Variants in IQCE observed in about 807,000 individuals in gnomAD.
IQCE encodes the protein IQ motif containing E, also known as IQ domain-containing protein E.
A neutral mutation model predicts 96.0 loss-of-function variants in IQCE; 115 were observed. The ratio of observed to expected loss-of-function variants is 1.20; its 90% CI spans 1.03 to 1.40. The LOEUF (loss-of-function observed/expected upper bound fraction) is 1.40. IQCE is among the 40% of genes most tolerant of loss of function. IQCE has a pLI of 0.00. For synonymous variants in IQCE, 412 were observed against 371.2 expected (o/e 1.11, Z -1.26); for missense variants, 1,041 against 909.1 (o/e 1.15, Z -1.87).
intron 16 of IQCE, among the ~76,000 whole-genome samples, chr7:2,597,351 G>T (rs1784120256): frequency 6.6e-6 from 1 of 152,276 alleles, no homozygotes; most frequent in African/African-American, 2.4e-5. Context: ...CCGAAGGCAG[G>T]CCCTTCACTG....
Position 2,612,081 on chromosome 7 carries a change from C to T in IQCE, c.*1919C>T, listed in dbSNP as rs1785124639. On this transcript the variant is annotated 3_prime_UTR_variant, in exon 22 of 22. Coordinates refer to ENST00000402050, the MANE Select transcript of IQCE (RefSeq NM_152558.5). ...CCTCCGTTCTCTTGTGGCAGCTGCT[C>T]CCACTTGTTAAACCAAGCTGTTTCT... 2 of 152,196 alleles carry T rather than the reference C, an allele frequency of 1.3e-5. No individual in the cohort carries two copies. Among genetic ancestry groups the T allele is most frequent in the South Asian group, 4.1e-4 (2 of 4,834 alleles). 9.4% of individuals were successfully genotyped at this position (152,196 alleles called of 1,614,324 possible).
rs533924951 is a variant in IQCE, at chr7:2,582,785, C to G, written c.701+135C>G. 10 of 677,980 alleles carry G rather than the reference C, an allele frequency of 1.5e-5. No homozygotes were observed. In the Admixed American group the frequency reaches 2.7e-4, roughly 18 times the overall value. The allele number at this position is 677,980 out of a possible 1,614,324, so 42.0% of individuals were successfully genotyped here. Reference sequence around the variant, plus strand: ...AAAGCCGAAGGTGAATGTTAGCTGCCTCTTTTTAATTTTTTTATTGTCTTT... The same window carrying G: ...AAAGCCGAAGGTGAATGTTAGCTGCGTCTTTTTAATTTTTTTATTGTCTTT... On this transcript the variant is annotated intron_variant, in intron 9 of 21. Coordinates refer to ENST00000402050, the MANE Select transcript of IQCE (RefSeq NM_152558.5).
intron 14 of IQCE, among the ~76,000 whole-genome samples, chr7:2,592,175 C>A (rs1024665806): frequency 6.6e-6 from 1 of 152,224 alleles, no homozygotes; most frequent in Admixed American, 6.5e-5. Context: ...CTGCTGTGAA[C>A]AGTAGAAGGC....
intron 8 of IQCE, 81 bp from the exon 9 acceptor site, chr7:2,582,499 G>A (rs62439479): frequency 0.16 from 175,377 of 1,127,662 alleles, 14,865 homozygotes; most frequent in African/African-American, 0.22. Context: ...GAGGTGTGCC[G>A]GTGCTCTGGC....
intron 11 of IQCE, chr7:2,584,525 G>C (rs957870841): frequency 1.9e-6 from 1 of 519,332 alleles, no homozygotes; most frequent in Admixed American, 3.2e-5. Flanking sequence ...GCCCGTGTTC[G>C]TTATAGATTC....
chr7:2,582,936 C>T (rs1782789348), intron 9 of IQCE, among the ~76,000 whole-genome samples: 1 of 152,118 alleles, frequency 6.6e-6, no homozygotes, highest in Non-Finnish European at 1.5e-5. Flanking sequence ...AGTCCTGCGC[C>T]GTCCTTGTGC....
At chr7:2,607,990 G>A (rs1784951756) in intron 21 of IQCE, among the ~76,000 whole-genome samples, 1 of 152,210 alleles carries the variant, frequency 6.6e-6, no homozygotes, top group Non-Finnish European at 1.5e-5. Context: ...TTGCTGTGCT[G>A]AGTCCTTAGG....
chr7:2,587,857 C>A lies in IQCE; in HGVS notation c.1024C>A (p.Arg342Ser). The stretch of plus-strand genomic sequence containing the variant: ...GTGGAGCAAGCCCCGGCTGCTGAGG[C>A]GCATTGTGGAGCTGGAGAAGGTGAG... The part of the protein sequence containing the change: ...VEWSKPRLLR[R>S]IVELEKKLSV... The change falls in exon 13 of 22, where the codon CGC (arginine) becomes AGC (serine). Residue 342 changes from arginine to serine, a missense_variant. Coordinates refer to ENST00000402050, the MANE Select transcript of IQCE (RefSeq NM_152558.5). The A allele has an allele frequency of 6.2e-7, 1 of 1,614,034 alleles. No individual in the cohort carries two copies. The highest frequency in any genetic ancestry group is 8.5e-7 in the Non-Finnish European group (1 of 1,179,948).
intron 3 of IQCE, among the ~76,000 whole-genome samples, chr7:2,569,515 C>T (rs1445960915): frequency 2.0e-5 from 3 of 152,170 alleles, no homozygotes; most frequent in African/African-American, 7.2e-5. Context: ...AGGAGGGCAG[C>T]ATTTGCCACC....
intron 1 of IQCE, among the ~76,000 whole-genome samples, chr7:2,565,804 A>T (rs1358253675): frequency 3.3e-5 from 5 of 152,242 alleles, no homozygotes; most frequent in Non-Finnish European, 4.4e-5. Flanking sequence ...AAAAAATGAT[A>T]TAAAAAATTT....
At chr7:2,579,531 T>C (rs1284977242) in intron 8 of IQCE, among the ~76,000 whole-genome samples, 3 of 152,230 alleles carry the variant, frequency 2.0e-5, no homozygotes, top group African/African-American at 7.2e-5. Flanking sequence ...TCCTCTGAAC[T>C]ATGTCACAGA....
intron 11 of IQCE, 117 bp downstream of exon 11, chr7:2,584,402 C>G: frequency 1.1e-6 from 1 of 883,832 alleles, no homozygotes; most frequent in South Asian, 1.3e-5. Context: ...CTTGGCAGTG[C>G]TGCCAACACT....
intron 8 of IQCE, among the ~76,000 whole-genome samples, chr7:2,581,125 G>A (rs1025250487): frequency 6.6e-6 from 1 of 152,116 alleles, no homozygotes; most frequent in Non-Finnish European, 1.5e-5. Context: ...TTACAGGCAT[G>A]AGCCACCGCG....
In IQCE at chr7:2,561,002, G is replaced by T. The variant is rs922556335; in HGVS notation, c.36+1785G>T. Among the ~76,000 whole-genome samples the T allele has an allele frequency of 2.1e-4, 31 of 149,208 alleles. 1 individual carries two copies. The highest frequency in any genetic ancestry group is 7.9e-4 in the East Asian group (4 of 5,082). Reference sequence around the variant, plus strand: ...AGACACAGTCTCGCTTTGCCACCCAGGCTGGAGTGCAATGATGCCATCTCA... The same window carrying T: ...AGACACAGTCTCGCTTTGCCACCCATGCTGGAGTGCAATGATGCCATCTCA... On this transcript the variant is annotated intron_variant, in intron 1 of 21. Coordinates refer to ENST00000402050, the MANE Select transcript of IQCE (RefSeq NM_152558.5).
intron 21 of IQCE, 128 bp downstream of exon 21, chr7:2,607,355 G>A (rs1387888327): frequency 1.4e-6 from 2 of 1,439,980 alleles, no homozygotes; most frequent in South Asian, 2.9e-5. Context: ...ATCTGGAGCT[G>A]CCTCTGAACT....
intron 11 of IQCE, among the ~76,000 whole-genome samples, chr7:2,585,353 C>A (rs1174556677): frequency 6.6e-6 from 1 of 152,240 alleles, no homozygotes; most frequent in African/African-American, 2.4e-5. Context: ...ACAGCATTTT[C>A]ATCAGCTAGT....
At chr7:2,594,230 A>G (rs953564300) in intron 15 of IQCE, among the ~76,000 whole-genome samples, 5 of 152,250 alleles carry the variant, frequency 3.3e-5, no homozygotes, top group African/African-American at 7.2e-5. Context: ...ACTGTCCTCT[A>G]TCCTGGGTGA....
In IQCE at chr7:2,593,590, C is replaced by T. The variant is rs139405106; in HGVS notation, c.1349+464C>T. Among the ~76,000 whole-genome samples the T allele has an allele frequency of 4.1e-3, 622 of 152,386 alleles. 1 individual carries two copies. The highest frequency in any genetic ancestry group is 7.3e-3 in the Admixed American group (112 of 15,312). ...GACGGAAGCCCTGACCGGCCCGGCC[C>T]GGGGACCCTGGAAAACCTGGTGCTC... On this transcript the variant is annotated intron_variant, in intron 15 of 21. Transcript: ENST00000402050.
At chr7:2,602,589 C>G (rs116907527) in intron 18 of IQCE, among the ~76,000 whole-genome samples, 2,633 of 152,316 alleles carry the variant, frequency 0.017, 44 homozygotes, top group Admixed American at 0.027. Flanking sequence ...CTTGTCCTCA[C>G]ACTCCCCAGG....
Sources: allele counts gnomAD v4.1 joint callset (sites outside exome capture counted in the v4.1 genomes callset), GRCh38; gene constraint gnomAD v4.1.1; transcripts MANE v1.5; gene names NCBI Gene and HGNC (gene_info 2026-07-23, HGNC 2026-07-21).